MMP26: variants seen among roughly 807,000 people sequenced by gnomAD.
MMP26 encodes matrix metallopeptidase 26.
MMP26 carries 33 observed loss-of-function variants against 31.0 expected under a neutral mutation model. That is an observed-to-expected ratio of 1.06 (90% CI 0.81 to 1.42). MMP26 has a LOEUF of 1.42. Among genes scored for constraint, MMP26 ranks in the 40% most tolerant of loss-of-function variants. The pLI, the probability that MMP26 is intolerant of heterozygous loss-of-function variation, is 0.00. For missense variants in MMP26, 347 were observed against 316.1 expected (o/e 1.10, Z -0.74); for synonymous variants, 122 against 114.9 (o/e 1.06, Z -0.40).
chr11:4,831,556 C>A (rs1473671430), intron 2 of MMP26, among the ~76,000 whole-genome samples: 1 of 152,062 alleles, frequency 6.6e-6, no homozygotes, highest in Non-Finnish European at 1.5e-5. Context: ...AATAGAAAAA[C>A]CCCACATGTT....
intron 1 of MMP26, among the ~76,000 whole-genome samples, chr11:4,729,193 T>C (rs1848140855): frequency 6.6e-6 from 1 of 152,144 alleles, no homozygotes; most frequent in Non-Finnish European, 1.5e-5. Flanking sequence ...GTAAGTTAAA[T>C]TGTTGGGCGA....
At chr11:4,924,289 C>T (rs761423123) in intron 2 of MMP26, 19 of 1,613,286 alleles carry the variant, frequency 1.2e-5, no homozygotes, top group Middle Eastern at 1.6e-4. Context: ...CTTGGAAGCC[C>T]GTCAGGAAGA....
chr11:4,813,294 T>C (rs1564915849), intron 2 of MMP26, among the ~76,000 whole-genome samples: 2 of 152,194 alleles, frequency 1.3e-5, no homozygotes, highest in African/African-American at 4.8e-5. Context: ...TATGGAAAAA[T>C]AGATCAATAC....
At chr11:4,927,769 G>C (rs1409811048) in intron 2 of MMP26, among the ~76,000 whole-genome samples, 1 of 152,020 alleles carries the variant, frequency 6.6e-6, no homozygotes, top group Non-Finnish European at 1.5e-5. Flanking sequence ...TTCTCCTCAG[G>C]GGCCTTTCCC....
At chr11:4,751,879 A>G (rs1011153679) in intron 1 of MMP26, among the ~76,000 whole-genome samples, 1 of 152,084 alleles carries the variant, frequency 6.6e-6, no homozygotes, top group Non-Finnish European at 1.5e-5. Flanking sequence ...TAGAAAAGAG[A>G]TTGCTTAGCA....
In MMP26 at chr11:4,992,249, C is replaced by G; in HGVS notation, c.*7C>G. 1.9e-6 allele frequency: 3 copies of G among 1,608,498 alleles called. No individual in the cohort carries two copies. The highest frequency in any genetic ancestry group is 8.5e-7 in the Non-Finnish European group (1 of 1,177,136). On this transcript the variant is annotated 3_prime_UTR_variant, in exon 8 of 8. Coordinates refer to ENST00000380390, the MANE Select transcript of MMP26 (RefSeq NM_021801.5). ...TTCATCTGACATACCTTAATGTTAGCACAGAGGACTTATTCAACCTGTCCT... is the reference window on the plus strand; with the variant it reads ...TTCATCTGACATACCTTAATGTTAGGACAGAGGACTTATTCAACCTGTCCT...
chr11:4,865,380 A>G (rs1277005709), intron 2 of MMP26, among the ~76,000 whole-genome samples: 1 of 152,180 alleles, frequency 6.6e-6, no homozygotes, highest in Non-Finnish European at 1.5e-5. Context: ...AATAATTATT[A>G]GGAAGAGAAA....
chr11:4,956,866 A>G (rs561926026), intron 2 of MMP26, among the ~76,000 whole-genome samples: 2 of 152,370 alleles, frequency 1.3e-5, no homozygotes, highest in South Asian at 2.1e-4. Context: ...TTTGTACACA[A>G]TAATGACCAA....
intron 1 of MMP26, chr11:4,709,724 C>A: frequency 2.2e-6 from 1 of 460,684 alleles, no homozygotes; most frequent in African/African-American, 2.0e-5. Context: ...TTGTCATCAT[C>A]ACTGAGTCAA....
chr11:4,827,571 C>A (rs536474592), intron 2 of MMP26, among the ~76,000 whole-genome samples: 7 of 151,678 alleles, frequency 4.6e-5, no homozygotes, highest in Non-Finnish European at 1.0e-4. Flanking sequence ...AATGCTTTTG[C>A]AGGGAATATT....
chr11:4,721,696 T>A (rs4331087), intron 1 of MMP26, among the ~76,000 whole-genome samples: 226 of 152,084 alleles, frequency 1.5e-3, no homozygotes, highest in Non-Finnish European at 1.4e-3. Flanking sequence ...CATCTTAATA[T>A]CCAGTTCTAG....
intron 1 of MMP26, among the ~76,000 whole-genome samples, chr11:4,747,659 G>T (rs1256620843): frequency 1.3e-5 from 2 of 152,064 alleles, no homozygotes; most frequent in African/African-American, 4.8e-5. Context: ...GAGGAAAAAG[G>T]TAAGATTGGA....
chr11:4,913,123 G>A (rs1851017168), intron 2 of MMP26: 1 of 152,128 alleles, frequency 6.6e-6, no homozygotes, highest in South Asian at 2.1e-4. Flanking sequence ...TTACTCAAAT[G>A]GTCATTCTCA....
At chr11:4,868,553 C>T (rs1288807278) in intron 2 of MMP26, among the ~76,000 whole-genome samples, 1 of 152,010 alleles carries the variant, frequency 6.6e-6, no homozygotes, top group African/African-American at 2.4e-5. Context: ...AACCACTGCT[C>T]AAGGAAATAA....
chr11:4,785,528 C>T (rs529219696), intron 2 of MMP26, among the ~76,000 whole-genome samples: 1 of 152,178 alleles, frequency 6.6e-6, no homozygotes, highest in African/African-American at 2.4e-5. Flanking sequence ...ATTTCTCATG[C>T]CTACTAGATT....
rs1419300130 is a variant in MMP26, at chr11:4,944,892, A to G, written c.-144-43176A>G. ...AGAAATATTACTGAACTCCTCAGTG[A>G]ACATCTTTTTCAACAAACATGGTCT... On this transcript the variant is annotated intron_variant, in intron 2 of 7. Coordinates refer to ENST00000380390, the MANE Select transcript of MMP26 (RefSeq NM_021801.5). 2.6e-5 allele frequency: 4 copies of G among 152,164 alleles called. No individual in the cohort carries two copies. In the East Asian group the frequency reaches 7.7e-4, roughly 29 times the overall value. 9.4% of individuals were successfully genotyped at this position (152,164 alleles called of 1,614,324 possible).
chr11:4,816,513 T>TTAAA (rs375968187), intron 2 of MMP26, among the ~76,000 whole-genome samples: 4 of 146,460 alleles, frequency 2.7e-5, no homozygotes, highest in Non-Finnish European at 4.5e-5. Flanking sequence ...GTGAGATAAT[T>TTAAA]AAAAAAAAAA....
chr11:4,745,196 G>A (rs1273081963), intron 1 of MMP26, among the ~76,000 whole-genome samples: 3 of 152,110 alleles, frequency 2.0e-5, no homozygotes, highest in Non-Finnish European at 4.4e-5. Context: ...TTTCACACCC[G>A]GTTGTTCCAC....
In MMP26 at chr11:4,838,315, T is replaced by TAAAAAAAAA. The variant is rs540572047; in HGVS notation, c.-145+71007_-145+71015dup. ...CCAGGGCACAGGGCAAGACTCTGTCTAAAAAAAAAAAAAAAAAAAAAAAAA... is the reference window on the plus strand; with the variant it reads ...CCAGGGCACAGGGCAAGACTCTGTCTAAAAAAAAAAAAAAAAAAAAAAAAAAAAAAAAAA... On this transcript the variant is annotated intron_variant, in intron 2 of 7. Coordinates refer to ENST00000380390, the MANE Select transcript of MMP26 (RefSeq NM_021801.5). Among the ~76,000 whole-genome samples the TAAAAAAAAA allele has an allele frequency of 4.0e-4, 11 of 27,416 alleles. 1 individual carries two copies. Among genetic ancestry groups the TAAAAAAAAA allele is most frequent in the East Asian group, 1.3e-3 (1 of 742 alleles). The allele number at this position is 27,416 out of a possible 152,430, so 18.0% of individuals were successfully genotyped here.
Sources: gnomAD v4.1 joint callset for allele counts (sites outside exome capture counted in the v4.1 genomes callset) on GRCh38, gnomAD v4.1.1 for gene constraint, MANE v1.5 for transcripts, NCBI Gene and HGNC (gene_info 2026-07-23, HGNC 2026-07-21) for gene names.